ACSBG1: variants seen among roughly 807,000 people sequenced by gnomAD.
ACSBG1 encodes the protein acyl-CoA synthetase bubblegum family member 1.
A neutral mutation model predicts 80.2 loss-of-function variants in ACSBG1; 39 were observed. The ratio of observed to expected loss-of-function variants is 0.49; its 90% CI spans 0.38 to 0.64. ACSBG1 has a LOEUF of 0.64. ACSBG1 is among the 30% of genes least tolerant of loss of function. ACSBG1 has a pLI of 0.00. For synonymous variants in ACSBG1, 392 were observed against 379.5 expected (o/e 1.03, Z -0.38); for missense variants, 828 against 966.4 (o/e 0.86, Z 1.90).
At chr15:78,213,631 A>G (rs1413647160) in intron 1 of ACSBG1, 3 of 152,258 alleles carry the variant, frequency 2.0e-5, no homozygotes, top group Non-Finnish European at 4.4e-5. Flanking sequence ...GATACCTCTG[A>G]CCTATATGGC....
chr15:78,221,088 T>G (rs1400834618), intron 1 of ACSBG1, among the ~76,000 whole-genome samples: 1 of 152,208 alleles, frequency 6.6e-6, no homozygotes, highest in East Asian at 1.9e-4. Context: ...TCTGGGTATT[T>G]CTCATGAGGA....
intron 1 of ACSBG1, among the ~76,000 whole-genome samples, chr15:78,222,051 T>C (rs1444321057): frequency 1.3e-5 from 2 of 152,174 alleles, no homozygotes; most frequent in Non-Finnish European, 2.9e-5. Context: ...AACCCAAATG[T>C]CCATCAACTG....
In ACSBG1 at chr15:78,172,236, T is replaced by TA. The variant is rs1185262764; in HGVS notation, c.2090-708dup. 1.3e-5 allele frequency among the ~76,000 whole-genome samples: 2 copies of TA among 152,274 alleles called. No individual in the cohort carries two copies. The highest frequency in any genetic ancestry group is 2.9e-5 in the Non-Finnish European group (2 of 68,048). ...GATTCTTGACCCATAGAAATGTGGA[T>TA]AATAAATGTTTACTGCTTTAGGCTG... On this transcript the variant is annotated intron_variant, in intron 13 of 13. Transcript: ENST00000258873. This position sits in a 1 kb window ranked among gnomAD's most constrained non-coding sequence, Gnocchi z 4.1.
At chr15:78,204,300 G>A (rs1345809059) in intron 2 of ACSBG1, among the ~76,000 whole-genome samples, 1 of 152,218 alleles carries the variant, frequency 6.6e-6, no homozygotes, top group East Asian at 1.9e-4. Flanking sequence ...GGACCACCGG[G>A]GTAAGGGACC....
intron 1 of ACSBG1, among the ~76,000 whole-genome samples, chr15:78,223,302 A>G (rs1422376299): frequency 6.6e-6 from 1 of 152,038 alleles, no homozygotes; most frequent in Non-Finnish European, 1.5e-5. Flanking sequence ...GGGGAGAAAA[A>G]CCATCAGGAA....
chr15:78,198,004 C>T (rs996999856), intron 2 of ACSBG1, among the ~76,000 whole-genome samples: 12 of 152,152 alleles, frequency 7.9e-5, no homozygotes, highest in Admixed American at 1.3e-4. Flanking sequence ...CCAAGCCAAA[C>T]GTTTTAACTT....
Position 78,208,591 on chromosome 15 carries a change from G to A in ACSBG1, c.132-489C>T, listed in dbSNP as rs371105164. Among the ~76,000 whole-genome samples, 204 of 152,166 alleles carry A rather than the reference G, an allele frequency of 1.3e-3. 7 individuals carry two copies. In the South Asian group the frequency reaches 0.041, roughly 30 times the overall value. ...GAGTGGAGCTGCAGGTACTCATAGG[G>A]CTCTCAGGGGTCCTATTCCGGCCCC... On this transcript the variant is annotated intron_variant, in intron 1 of 13. Coordinates refer to ENST00000258873, the MANE Select transcript of ACSBG1 (RefSeq NM_015162.5).
chr15:78,202,612 C>T (rs2075179166), intron 2 of ACSBG1, among the ~76,000 whole-genome samples: 1 of 152,192 alleles, frequency 6.6e-6, no homozygotes, highest in South Asian at 2.1e-4. Flanking sequence ...CCCTCTCTCC[C>T]TAGGTTTCTC....
chr15:78,215,831 C>T (rs1476064110), intron 1 of ACSBG1, among the ~76,000 whole-genome samples: 1 of 152,046 alleles, frequency 6.6e-6, no homozygotes. Flanking sequence ...GAAACTTCAA[C>T]AGTTATAATG....
chr15:78,173,566 T>C lies in ACSBG1; in HGVS notation c.2089+27A>G, dbSNP rs764733195. The C allele has an allele frequency of 5.0e-6, 8 of 1,610,512 alleles. No homozygotes were observed. In the South Asian group the frequency reaches 8.8e-5, roughly 18 times the overall value. ...TGGCCTCTGCCTTCCCACACAGCCC[T>C]TGCAATGGTGAAAAGGAAAAACCTA... On this transcript the variant is annotated intron_variant, in intron 13 of 13. Coordinates refer to ENST00000258873, the MANE Select transcript of ACSBG1 (RefSeq NM_015162.5).
intron 2 of ACSBG1, among the ~76,000 whole-genome samples, chr15:78,201,540 T>C (rs1365838407): frequency 6.6e-6 from 1 of 152,216 alleles, no homozygotes; most frequent in Non-Finnish European, 1.5e-5. Context: ...CACAGCTCAG[T>C]GGCCTCAGCC....
intron 1 of ACSBG1, among the ~76,000 whole-genome samples, chr15:78,223,868 A>G (rs1394509852): frequency 2.0e-5 from 3 of 152,212 alleles, no homozygotes; most frequent in Non-Finnish European, 4.4e-5. Context: ...GAGATTTGAC[A>G]TGCACAGAAG....
chr15:78,228,257 C>G (rs2075419593), intron 1 of ACSBG1, among the ~76,000 whole-genome samples: 1 of 152,208 alleles, frequency 6.6e-6, no homozygotes, highest in Admixed American at 6.5e-5. Flanking sequence ...GGGTCTCTCA[C>G]AGGACCCAGT....
Position 78,180,787 on chromosome 15 carries a change from C to T in ACSBG1, c.1221G>A (p.Val407=). 1 of 1,614,178 alleles carries T rather than the reference C, an allele frequency of 6.2e-7. No homozygotes were observed. Among genetic ancestry groups the T allele is most frequent in the Non-Finnish European group, 8.5e-7 (1 of 1,180,032 alleles). ...RRKMLLWAMS[V]TLEQNLTCPG... is the part of the protein sequence containing the mutation. ...GGCAGGTGAGGTTCTGCTCCAAGGTCACCGACATGGCCCACAGCAGCATCT... is the reference window on the plus strand; with the variant it reads ...GGCAGGTGAGGTTCTGCTCCAAGGTTACCGACATGGCCCACAGCAGCATCT... Residue 407 remains valine, a synonymous_variant, in exon 9 of 14, where the codon GTG becomes GTA. Coordinates refer to ENST00000258873, the MANE Select transcript of ACSBG1 (RefSeq NM_015162.5).
chr15:78,215,722 A>G (rs570219409), intron 1 of ACSBG1, among the ~76,000 whole-genome samples: 6 of 105,604 alleles, frequency 5.7e-5, no homozygotes, highest in African/African-American at 1.9e-4. Flanking sequence ...GAAAGAAAGA[A>G]AGAGAAAGAA....
chr15:78,207,841 G>A, intron 2 of ACSBG1, 161 bp downstream of exon 2: 2 of 617,822 alleles, frequency 3.2e-6, no homozygotes, highest in South Asian at 3.8e-5. Flanking sequence ...CATGAAGGAA[G>A]GGGCTTGGTG....
At chr15:78,193,893 C>G in intron 4 of ACSBG1, 39 bp downstream of exon 4, 1 of 1,608,838 alleles carries the variant, frequency 6.2e-7, no homozygotes, top group South Asian at 1.1e-5. Context: ...TGCCCACTGC[C>G]AACCCCCTGG....
chr15:78,233,322 C>G (rs1307463182), intron 1 of ACSBG1, among the ~76,000 whole-genome samples: 1 of 152,222 alleles, frequency 6.6e-6, no homozygotes, highest in Non-Finnish European at 1.5e-5. Flanking sequence ...GCCTCTGCAT[C>G]TCTGAGGCGC....
At chr15:78,194,482 C>G in intron 3 of ACSBG1, 24 bp downstream of exon 3, 1 of 1,612,110 alleles carries the variant, frequency 6.2e-7, no homozygotes, top group Non-Finnish European at 8.5e-7. Flanking sequence ...AGGGGCAAGG[C>G]CTTGCCATGA....
Sources: gnomAD v4.1 joint callset for allele counts (sites outside exome capture counted in the v4.1 genomes callset) on GRCh38, gnomAD v4.1.1 for gene constraint, Gnocchi (gnomAD v3.1) non-coding constraint, MANE v1.5 for transcripts, NCBI Gene and HGNC (gene_info 2026-07-23, HGNC 2026-07-21) for gene names.